Variants in MDM4 observed in about 807,000 individuals in gnomAD.
The protein encoded by MDM4 is protein Mdm4.
A neutral mutation model predicts 60.2 loss-of-function variants in MDM4; 2 were observed. That is an observed-to-expected ratio of 0.03 (90% CI 0.01 to 0.10). The LOEUF (loss-of-function observed/expected upper bound fraction) is 0.10, where lower values mean the gene tolerates loss of function less well. Among genes scored for constraint, MDM4 ranks in the 10% least tolerant of loss-of-function variants. The pLI is 1.00. For missense variants in MDM4, 447 were observed against 577.5 expected (o/e 0.77, Z 2.32); for synonymous variants, 202 against 198.1 (o/e 1.02, Z -0.17).
intron 10 of MDM4, among the ~76,000 whole-genome samples, chr1:204,547,586 CT>C (rs1662789722): frequency 6.6e-6 from 1 of 152,168 alleles, no homozygotes. Flanking sequence ...GGTGTTGATC[CT>C]TCCCCCATTC....
chr1:204,554,953 A>G lies in MDM4; in HGVS notation c.*5271A>G. The G allele has an allele frequency of 4.5e-6, 1 of 222,050 alleles. No individual in the cohort carries two copies. The allele number at this position is 222,050 out of a possible 1,614,324, so 13.8% of individuals were successfully genotyped here. On this transcript the variant is annotated 3_prime_UTR_variant, in exon 11 of 11. Coordinates refer to ENST00000367182, the MANE Select transcript of MDM4 (RefSeq NM_002393.5). Reference sequence around the variant, plus strand: ...ACTGTTACAGTAAATCTACACTTGGATTTGCTGCACCTCTACCAATAGCCT... The same window carrying G: ...ACTGTTACAGTAAATCTACACTTGGGTTTGCTGCACCTCTACCAATAGCCT...
At position 204,551,822 on chromosome 1, in the gene MDM4, TC is replaced by T. The variant is rs1347786738; in HGVS notation, c.*2142del. ...CAGGAATTTGCATTTGAACAAGTGTTCCTGGAATCTCTATGCAAGTTTTATA... is the reference window on the plus strand; with the variant it reads ...CAGGAATTTGCATTTGAACAAGTGTTCTGGAATCTCTATGCAAGTTTTATA... On this transcript the variant is annotated 3_prime_UTR_variant, in exon 11 of 11. Transcript: ENST00000367182. The T allele has an allele frequency of 4.5e-6, 1 of 220,398 alleles. No individual in the cohort carries two copies. The highest frequency in any genetic ancestry group is 9.1e-6 in the Non-Finnish European group (1 of 110,186). The allele number at this position is 220,398 out of a possible 1,614,324, so 13.7% of individuals were successfully genotyped here.
chr1:204,525,245 G>A, intron 1 of MDM4: 6 of 778,184 alleles, frequency 7.7e-6, no homozygotes, highest in Non-Finnish European at 9.4e-6. Flanking sequence ...GCCTGAAACT[G>A]TTACTGTTTC....
intron 1 of MDM4, among the ~76,000 whole-genome samples, chr1:204,518,076 A>C (rs1046550161): frequency 6.6e-6 from 1 of 152,122 alleles, no homozygotes; most frequent in South Asian, 2.1e-4. Flanking sequence ...GGATTGCTTG[A>C]TCCCAGGAGG....
chr1:204,548,442 A>T (rs1191560349), intron 10 of MDM4, among the ~76,000 whole-genome samples: 1 of 152,214 alleles, frequency 6.6e-6, no homozygotes, highest in Non-Finnish European at 1.5e-5. Context: ...AACCGCATTA[A>T]ATATTCTTTC....
chr1:204,532,256 A>G lies in MDM4; in HGVS notation c.343+10A>G, dbSNP rs1164961270. On this transcript the variant is annotated intron_variant, in intron 5 of 10. Transcript: ENST00000367182. ...GCCACTGCTACTACAGGTATGTCACATCATATTTCTTCAGTCTGTATCACA... is the reference window on the plus strand; with the variant it reads ...GCCACTGCTACTACAGGTATGTCACGTCATATTTCTTCAGTCTGTATCACA... 1.9e-6 allele frequency: 3 copies of G among 1,545,824 alleles called. No individual in the cohort carries two copies. The highest frequency in any genetic ancestry group is 1.1e-5 in the South Asian group (1 of 89,216).
At chr1:204,546,736 A>G in intron 9 of MDM4, 61 bp from the exon 10 acceptor site, 1 of 1,144,958 alleles carries the variant, frequency 8.7e-7, no homozygotes, top group Non-Finnish European at 1.3e-6. Flanking sequence ...TTTTGCTTTC[A>G]GTTAATTAGC....
At chr1:204,530,415 A>T (rs896720022) in intron 3 of MDM4, among the ~76,000 whole-genome samples, 1 of 152,206 alleles carries the variant, frequency 6.6e-6, no homozygotes, top group Non-Finnish European at 1.5e-5. Flanking sequence ...AGAGGATACT[A>T]GGTAAATTCA....
rs1663595476 is a variant in MDM4, at chr1:204,557,312, G to A, written c.*7630G>A. ...ATATGAGGCTCTTGACCAGAAAAGA[G>A]TTCTTTCTCTAGGTGTTCTGAGAGA... On this transcript the variant is annotated 3_prime_UTR_variant, in exon 11 of 11. Coordinates refer to ENST00000367182, the MANE Select transcript of MDM4 (RefSeq NM_002393.5). 5.3e-6 allele frequency: 1 copy of A among 188,090 alleles called. No homozygotes were observed. Among genetic ancestry groups the A allele is most frequent in the Non-Finnish European group, 1.1e-5 (1 of 89,274 alleles). The allele number at this position is 188,090 out of a possible 1,614,324, so 11.7% of individuals were successfully genotyped here. A position where few individuals can be genotyped will look rare whatever the true frequency, so the allele number is the denominator to read the frequency against.
rs1320657714 is a variant in MDM4 at position 204,549,136 on chromosome 1, C to T, written c.927C>T (p.Cys309=). The part of the protein sequence containing the change: ...TSEDEWQCTE[C]KKFNSPSKRY... Reference sequence around the variant, plus strand: ...AGGATGAGTGGCAGTGTACTGAATGCAAGAAATTTAACTCTCCAAGCAAGA... The same window carrying T: ...AGGATGAGTGGCAGTGTACTGAATGTAAGAAATTTAACTCTCCAAGCAAGA... Residue 309 remains cysteine, a synonymous_variant, in exon 11 of 11, where the codon TGC becomes TGT. Coordinates refer to ENST00000367182, the MANE Select transcript of MDM4 (RefSeq NM_002393.5). 6.2e-7 allele frequency: 1 copy of T among 1,610,430 alleles called. No individual in the cohort carries two copies. Among genetic ancestry groups the T allele is most frequent in the South Asian group, 1.1e-5 (1 of 90,612 alleles).
intron 2 of MDM4, among the ~76,000 whole-genome samples, chr1:204,525,940 CT>C (rs1660088537): frequency 6.6e-6 from 1 of 151,684 alleles, no homozygotes; most frequent in African/African-American, 2.4e-5. Flanking sequence ...GACCTTGTCT[CT>C]TTTTTAAAAA....
At chr1:204,540,416 A>G (rs1661941600) in intron 7 of MDM4, among the ~76,000 whole-genome samples, 1 of 152,024 alleles carries the variant, frequency 6.6e-6, no homozygotes, top group South Asian at 2.1e-4. Flanking sequence ...ATTCCATTAG[A>G]TATGTTGTGG....
chr1:204,519,115 A>AG (rs1659292172), intron 1 of MDM4, among the ~76,000 whole-genome samples: 1 of 152,228 alleles, frequency 6.6e-6, no homozygotes. Flanking sequence ...AGGGTGGCTG[A>AG]GGCTCAAGAT....
At position 204,555,508 on chromosome 1, in the gene MDM4, T is replaced by A. The variant is rs555781242; in HGVS notation, c.*5826T>A. ...TCAAGGATACCTAAAAAGGGTCAAA[T>A]AATGCTAGAAGAGCAATTCCTCTTT... is the stretch of plus-strand genomic sequence containing the variant. On this transcript the variant is annotated 3_prime_UTR_variant, in exon 11 of 11. Coordinates refer to ENST00000367182, the MANE Select transcript of MDM4 (RefSeq NM_002393.5). 1 of 169,474 alleles carries A rather than the reference T, an allele frequency of 5.9e-6. No homozygotes were observed. The highest frequency in any genetic ancestry group is 1.1e-4 in the East Asian group (1 of 9,246). 10.5% of individuals were successfully genotyped at this position (169,474 alleles called of 1,614,324 possible). A position where few individuals can be genotyped will look rare whatever the true frequency, so the allele number is the denominator to read the frequency against.
At chr1:204,544,832 A>C in intron 9 of MDM4, 148 bp downstream of exon 9, 1 of 817,402 alleles carries the variant, frequency 1.2e-6, no homozygotes, top group Non-Finnish European at 1.8e-6. Context: ...TTTAAGATTC[A>C]CATTAAGTAA....
rs985922294 is a variant in MDM4 at position 204,556,295 on chromosome 1, C to T, written c.*6613C>T. 3.5e-5 allele frequency: 8 copies of T among 227,302 alleles called. No individual in the cohort carries two copies. In the East Asian group the frequency reaches 5.0e-4, roughly 14 times the overall value. 14.1% of individuals were successfully genotyped at this position (227,302 alleles called of 1,614,324 possible). ...GCAGAGTTAGGCGGTAGATGGGAAG[C>T]TGTGATGGCAGAGCTACTATCTAAT... On this transcript the variant is annotated 3_prime_UTR_variant, in exon 11 of 11. Coordinates refer to ENST00000367182, the MANE Select transcript of MDM4 (RefSeq NM_002393.5).
intron 10 of MDM4, among the ~76,000 whole-genome samples, chr1:204,547,254 A>AAT (rs1331996012): frequency 3.9e-5 from 6 of 152,224 alleles, no homozygotes; most frequent in African/African-American, 1.4e-4. Context: ...TTATTTGTTG[A>AAT]ATATAAAAAT....
rs369485868 is a variant in MDM4 at position 204,539,780 on chromosome 1, C to T, written c.511+1472C>T. ...TGATGTCATGACCTCGTGATCCACCCGCCTTGGCCTCCCAAAGTGCTGGGA... is the reference window on the plus strand; with the variant it reads ...TGATGTCATGACCTCGTGATCCACCTGCCTTGGCCTCCCAAAGTGCTGGGA... On this transcript the variant is annotated intron_variant, in intron 7 of 10. Transcript: ENST00000367182. 7.9e-5 allele frequency among the ~76,000 whole-genome samples: 12 copies of T among 151,714 alleles called. No individual in the cohort carries two copies. The East Asian group carries it at 1.6e-3, about 20-fold the overall frequency.
rs1663309470 is a variant in MDM4, at chr1:204,552,701, C to G, written c.*3019C>G. On this transcript the variant is annotated 3_prime_UTR_variant, in exon 11 of 11. Coordinates refer to ENST00000367182, the MANE Select transcript of MDM4 (RefSeq NM_002393.5). Reference sequence around the variant, plus strand: ...GTATTTGATCCTAAATTTGACACATCATTGCCCATGAAAGAATCCTCTTAG... The same window carrying G: ...GTATTTGATCCTAAATTTGACACATGATTGCCCATGAAAGAATCCTCTTAG... 1 of 180,632 alleles carries G rather than the reference C, an allele frequency of 5.5e-6. No individual in the cohort carries two copies. Among genetic ancestry groups the G allele is most frequent in the African/African-American group, 2.4e-5 (1 of 42,342 alleles). 11.2% of individuals were successfully genotyped at this position (180,632 alleles called of 1,614,324 possible). A position where few individuals can be genotyped will look rare whatever the true frequency, so the allele number is the denominator to read the frequency against.
Sources: gnomAD v4.1 joint callset for allele counts (sites outside exome capture counted in the v4.1 genomes callset) on GRCh38, gnomAD v4.1.1 for gene constraint, MANE v1.5 for transcripts, NCBI Gene and HGNC (gene_info 2026-07-23, HGNC 2026-07-21) for gene names.